The following MGAM variants were observed in gnomAD, a reference collection of about 807,000 sequenced individuals.
MGAM encodes alpha-1,4-glucosidase.
MGAM carries 253 observed loss-of-function variants against 358.8 expected under a neutral mutation model. That is an observed-to-expected ratio of 0.71 (90% CI 0.64 to 0.78). The LOEUF is 0.78. Ranked by LOEUF, MGAM falls within the 30% of genes least tolerant of loss-of-function variation. The pLI, the probability that MGAM is intolerant of heterozygous loss-of-function variation, is 0.00. For synonymous variants in MGAM, 1,105 were observed against 1,227.1 expected (o/e 0.90, Z 2.08); for missense variants, 3,080 against 3,432.6 (o/e 0.90, Z 2.57).
At chr7:142,033,484 T>C (rs953960086) in intron 14 of MGAM, among the ~76,000 whole-genome samples, 2 of 152,154 alleles carry the variant, frequency 1.3e-5, no homozygotes. Context: ...AAGGACAGAT[T>C]ATATCTTGAT....
In MGAM at chr7:142,035,107, G is replaced by A. The variant is rs191272499; in HGVS notation, c.1959+266G>A. 3.7e-3 allele frequency among the ~76,000 whole-genome samples: 561 copies of A among 152,212 alleles called. 1 individual carries two copies. Among genetic ancestry groups the A allele is most frequent in the African/African-American group, 0.013 (536 of 41,522 alleles). On this transcript the variant is annotated intron_variant, in intron 16 of 70. Transcript: ENST00000475668. ...TGTAACATACTTTATACAGAAAAGT[G>A]TATGTATCCTTAAGAACACAGCTGA...
chr7:142,044,988 A>G (rs189355108), intron 21 of MGAM, among the ~76,000 whole-genome samples: 8 of 107,296 alleles, frequency 7.5e-5, no homozygotes, highest in East Asian at 2.4e-4. Context: ...AATGTATATT[A>G]TATACACGTG....
At chr7:142,041,758 G>T (rs1365276950) in intron 21 of MGAM, among the ~76,000 whole-genome samples, 1 of 147,708 alleles carries the variant, frequency 6.8e-6, no homozygotes. Context: ...TTTGCCTGGT[G>T]TATTCTTAAT....
At chr7:142,097,689 T>C (rs768306942) in intron 66 of MGAM, 40 bp downstream of exon 66, 1 of 1,560,264 alleles carries the variant, frequency 6.4e-7, no homozygotes. Flanking sequence ...GGGAAAATGG[T>C]AGAGAGTACA....
chr7:142,065,431 C>G lies in MGAM; in HGVS notation c.4581C>G (p.Asn1527Lys). ...GRWAGHWLGD[N>K]TAAWDQLKKS... ...GGGCAGGACATTGGCTGGGAGACAA[C>G]ACGGCCGCATGGGATCAGCTGAAGA... The change falls in exon 38 of 71, where the codon AAC becomes AAG. Residue 1527 changes from asparagine to lysine, a missense_variant. By Grantham distance (94) the Asn-to-Lys change is moderately conservative (BLOSUM62 0). Transcript: ENST00000475668. The G allele has an allele frequency of 6.2e-7, 1 of 1,609,618 alleles. No homozygotes were observed. Among genetic ancestry groups the G allele is most frequent in the Non-Finnish European group, 8.5e-7 (1 of 1,177,910 alleles).
In MGAM at chr7:142,079,241, A is replaced by G. The variant is rs1282956011; in HGVS notation, c.5847+233A>G. Among the ~76,000 whole-genome samples the G allele has an allele frequency of 2.1e-5, 3 of 145,794 alleles. 1 individual carries two copies. Among genetic ancestry groups the G allele is most frequent in the Non-Finnish European group, 4.7e-5 (3 of 64,416 alleles). On this transcript the variant is annotated intron_variant, in intron 49 of 70. Transcript: ENST00000475668. Reference sequence around the variant, plus strand: ...AATGGTTGGGAGAGCAAGAGTGGGTACGGAGAGACAAGTTGGGAGGCTGCC... The same window carrying G: ...AATGGTTGGGAGAGCAAGAGTGGGTGCGGAGAGACAAGTTGGGAGGCTGCC...
Position 142,054,905 on chromosome 7 carries a change from T to C in MGAM, c.3311T>C (p.Ile1104Thr), listed in dbSNP as rs1811347067. The C allele has an allele frequency of 6.2e-7, 1 of 1,613,652 alleles. No individual in the cohort carries two copies. Among genetic ancestry groups the C allele is most frequent in the Non-Finnish European group, 8.5e-7 (1 of 1,179,706 alleles). The part of the protein sequence containing the change: ...IEIRRKSTGT[I>T]IWDSQLLGFT... ...ATTCGCCGGAAGAGTACAGGCACTATAATGTGAGTGGCTTCTAGTGTGACT... is the reference window on the plus strand; with the variant it reads ...ATTCGCCGGAAGAGTACAGGCACTACAATGTGAGTGGCTTCTAGTGTGACT... The change falls in exon 27 of 71, where the codon ATA becomes ACA. Residue 1104 changes from isoleucine to threonine, a missense_variant. Transcript: ENST00000475668.
At chr7:142,000,485 T>C (rs1321425213) in intron 1 of MGAM, among the ~76,000 whole-genome samples, 2 of 152,112 alleles carry the variant, frequency 1.3e-5, no homozygotes, top group African/African-American at 2.4e-5. Context: ...ATCCTATCTG[T>C]TGAAAGTGAG....
intron 7 of MGAM, among the ~76,000 whole-genome samples, chr7:142,023,392 G>A (rs1806641999): frequency 6.6e-6 from 1 of 151,518 alleles, no homozygotes; most frequent in African/African-American, 2.4e-5. Flanking sequence ...CAGAATTAAT[G>A]GATGGAAGAA....
Position 142,085,865 on chromosome 7 carries a change from G to A in MGAM, c.6540G>A (p.Glu2180=). ...DVQYSDIDYM[E]RQLDFTLSPK... ...AGTACTCAGACATCGACTACATGGA[G>A]CGGCAGCTGGACTTCACCCTCAGCC... is the stretch of plus-strand genomic sequence containing the variant. The change falls in exon 55 of 71, where the codon GAG becomes GAA. Residue 2180 remains glutamate, a synonymous_variant. Coordinates refer to ENST00000475668, the MANE Select transcript of MGAM (RefSeq NM_001365693.1). 6.4e-7 allele frequency: 1 copy of A among 1,565,592 alleles called. No individual in the cohort carries two copies. Among genetic ancestry groups the A allele is most frequent in the Non-Finnish European group, 8.8e-7 (1 of 1,141,224 alleles).
intron 35 of MGAM, among the ~76,000 whole-genome samples, chr7:142,063,216 C>CA (rs11461388): frequency 0.54 from 80,483 of 148,718 alleles, 22,764 homozygotes; most frequent in East Asian, 0.87. Context: ...AAAACAAAAC[C>CA]AAAAAAAAAA....
chr7:142,074,043 G>C (rs748017236), intron 44 of MGAM, 42 bp from the exon 45 acceptor site: 2 of 1,379,564 alleles, frequency 1.4e-6, no homozygotes, highest in East Asian at 4.7e-5. Flanking sequence ...TGGCAAAATT[G>C]TCTGACTCCT....
chr7:142,074,443 G>A (rs1254559958), intron 45 of MGAM, among the ~76,000 whole-genome samples: 1 of 146,304 alleles, frequency 6.8e-6, no homozygotes, highest in Non-Finnish European at 1.5e-5. Context: ...GTGCTTAGAT[G>A]AGAAGGTTTC....
At chr7:141,993,686 T>G (rs141342200), upstream of MGAM, among the ~76,000 whole-genome samples, 509 of 152,322 alleles carry the variant, frequency 3.3e-3, 8 homozygotes, top group African/African-American at 0.012. Context: ...AAATTCTAAT[T>G]GAAATTTAGA....
intron 31 of MGAM, 82 bp downstream of exon 31, chr7:142,058,410 G>C: frequency 1.3e-6 from 2 of 1,587,894 alleles, no homozygotes; most frequent in Non-Finnish European, 8.6e-7. Flanking sequence ...AATGTTTGTT[G>C]GATTCCATAA....
chr7:142,045,695 A>C, intron 21 of MGAM, among the ~76,000 whole-genome samples: 1 of 98,276 alleles, frequency 1.0e-5, no homozygotes, highest in South Asian at 3.1e-4. Flanking sequence ...ATATACATAC[A>C]ATATATGAAT....
At position 142,094,257 on chromosome 7, in the gene MGAM, A is replaced by G. The variant is rs572959766; in HGVS notation, c.7173-107A>G. 68 of 1,319,014 alleles carry G rather than the reference A, an allele frequency of 5.2e-5. 7 individuals are homozygous for G. Among genetic ancestry groups the G allele is most frequent in the South Asian group, 3.6e-4 (27 of 75,062 alleles). The allele number at this position is 1,319,014 out of a possible 1,614,324, so 81.7% of individuals were successfully genotyped here. On this transcript the variant is annotated intron_variant, in intron 60 of 70. Coordinates refer to ENST00000475668, the MANE Select transcript of MGAM (RefSeq NM_001365693.1). Reference sequence around the variant, plus strand: ...AGCTCAGAGTCCCGTGTTCCCTCCAATCACGCAGCAAACATTGACTAGGCT... The same window carrying G: ...AGCTCAGAGTCCCGTGTTCCCTCCAGTCACGCAGCAAACATTGACTAGGCT...
rs35054393 is a variant in MGAM, at chr7:142,039,103, C to CTT, written c.2316+507_2316+508dup. Among the ~76,000 whole-genome samples, 499 of 118,946 alleles carry CTT rather than the reference C, an allele frequency of 4.2e-3. 20 individuals carry two copies. Among genetic ancestry groups the CTT allele is most frequent in the African/African-American group, 0.016 (456 of 28,640 alleles). 78.0% of individuals were successfully genotyped at this position (118,946 alleles called of 152,430 possible). A position where few individuals can be genotyped will look rare whatever the true frequency, so the allele number is the denominator to read the frequency against. ...ACGGGGTGGGGGGAGTTGCCACACA[C>CTT]TTTTTTTTTTTTTTTTTTTTGAGAT... On this transcript the variant is annotated intron_variant, in intron 19 of 70. Coordinates refer to ENST00000475668, the MANE Select transcript of MGAM (RefSeq NM_001365693.1).
chr7:142,008,625 A>G lies in MGAM; in HGVS notation c.247A>G (p.Thr83Ala). The G allele has an allele frequency of 6.2e-7, 1 of 1,613,558 alleles. No individual in the cohort carries two copies. The highest frequency in any genetic ancestry group is 8.5e-7 in the Non-Finnish European group (1 of 1,179,676). Reference protein sequence around the residue: ...TGPPDPGTTGTTPVSAECPVV... With the variant: ...TGPPDPGTTGATPVSAECPVV... ...TCCCCCAGATCCTGGAACAACTGGTACCACTCCTGTTTCTGCTGAATGTCC... is the reference window on the plus strand; with the variant it reads ...TCCCCCAGATCCTGGAACAACTGGTGCCACTCCTGTTTCTGCTGAATGTCC... The change falls in exon 3 of 71, where the codon ACC becomes GCC. Residue 83 changes from threonine to alanine, a missense_variant. Around this residue, in one of 5 missense-constraint regions of MGAM, gnomAD observed 1,816 missense variants for 1,840.5 expected, o/e 0.99. Transcript: ENST00000475668.
Sources: allele counts gnomAD v4.1 joint callset (sites outside exome capture counted in the v4.1 genomes callset), GRCh38; gene constraint gnomAD v4.1.1; regional missense constraint gnomAD v4.1.1; transcripts MANE v1.5; gene names NCBI Gene and HGNC (gene_info 2026-07-23, HGNC 2026-07-21).